LMX1A: variants seen among roughly 807,000 people sequenced by gnomAD.
LMX1A encodes LIM homeobox transcription factor 1-alpha.
In LMX1A, 15 loss-of-function variants were observed where a neutral mutation model predicts 49.1. That is an observed-to-expected ratio of 0.31 (90% CI 0.20 to 0.47). The LOEUF (loss-of-function observed/expected upper bound fraction) is 0.47. LMX1A is among the 20% of genes least tolerant of loss of function. LMX1A has a pLI of 1.00. For missense variants in LMX1A, 372 were observed against 475.8 expected (o/e 0.78, Z 2.03); for synonymous variants, 167 against 185.7 (o/e 0.90, Z 0.82).
chr1:165,292,226 G>A (rs1441064702), intron 3 of LMX1A, among the ~76,000 whole-genome samples: 1 of 152,162 alleles, frequency 6.6e-6, no homozygotes, highest in Non-Finnish European at 1.5e-5. Flanking sequence ...GTTCCAATAG[G>A]ATGCTAGATT....
At chr1:165,214,130 C>G (rs1388975952) in intron 4 of LMX1A, among the ~76,000 whole-genome samples, 1 of 152,194 alleles carries the variant, frequency 6.6e-6, no homozygotes, top group Non-Finnish European at 1.5e-5. Flanking sequence ...ATTGTAATCT[C>G]CACGTGTTGA....
chr1:165,331,799 C>T (rs1418589308), intron 3 of LMX1A, among the ~76,000 whole-genome samples: 2 of 152,168 alleles, frequency 1.3e-5, no homozygotes, highest in African/African-American at 4.8e-5. Flanking sequence ...TGCCTATAAT[C>T]CCAGATACAC....
intron 3 of LMX1A, among the ~76,000 whole-genome samples, chr1:165,282,793 C>T (rs999456253): frequency 2.0e-5 from 3 of 152,186 alleles, no homozygotes; most frequent in Admixed American, 6.5e-5. Context: ...GTACGGAGTT[C>T]CTGTACTTCT....
intron 3 of LMX1A, among the ~76,000 whole-genome samples, chr1:165,320,127 T>C (rs1343887235): frequency 6.6e-6 from 1 of 152,186 alleles, no homozygotes; most frequent in Non-Finnish European, 1.5e-5. Context: ...TTAAGAAAAC[T>C]GGAATAGAAA....
intron 3 of LMX1A, among the ~76,000 whole-genome samples, chr1:165,290,368 G>T (rs1654428175): frequency 6.6e-6 from 1 of 152,156 alleles, no homozygotes; most frequent in Non-Finnish European, 1.5e-5. Flanking sequence ...CTGGCTTCTG[G>T]TGGCTGCCAA....
chr1:165,291,484 T>C (rs1654464984), intron 3 of LMX1A, among the ~76,000 whole-genome samples: 1 of 152,184 alleles, frequency 6.6e-6, no homozygotes, highest in Non-Finnish European at 1.5e-5. Context: ...ATCCAGAAAG[T>C]GAGGCAAATA....
chr1:165,310,299 C>T (rs1324510339), intron 3 of LMX1A, among the ~76,000 whole-genome samples: 1 of 152,216 alleles, frequency 6.6e-6, no homozygotes, highest in Non-Finnish European at 1.5e-5. Context: ...TGTACCTTCC[C>T]TCCAAGCTCT....
At chr1:165,301,372 A>AAC (rs35818694) in intron 3 of LMX1A, among the ~76,000 whole-genome samples, 129,806 of 151,212 alleles carry the variant, frequency 0.86, 55,782 homozygotes, top group Non-Finnish European at 0.88. Context: ...CACTCCCGAC[A>AAC]ACACACACAC....
chr1:165,245,359 A>G (rs549397587), intron 4 of LMX1A, among the ~76,000 whole-genome samples: 21 of 152,264 alleles, frequency 1.4e-4, no homozygotes, highest in African/African-American at 4.3e-4. Context: ...TTTCCCATAA[A>G]GGCAATCCAG....
chr1:165,322,714 G>A (rs545931862), intron 3 of LMX1A, among the ~76,000 whole-genome samples: 18 of 152,186 alleles, frequency 1.2e-4, no homozygotes, highest in African/African-American at 4.3e-4. Context: ...TTTCTTTCAG[G>A]GATGATGGAA....
chr1:165,275,907 T>C (rs79075385), intron 3 of LMX1A, among the ~76,000 whole-genome samples: 6,088 of 144,194 alleles, frequency 0.042, 425 homozygotes, highest in African/African-American at 0.15. Context: ...CCCTGTGAGT[T>C]TGAACACCAG....
intron 3 of LMX1A, among the ~76,000 whole-genome samples, chr1:165,255,118 C>T (rs1033625363): frequency 6.6e-6 from 1 of 152,170 alleles, no homozygotes; most frequent in African/African-American, 2.4e-5. Flanking sequence ...AGTTCACATT[C>T]TCTGGAAGGC....
chr1:165,270,165 G>T (rs938342105), intron 3 of LMX1A, among the ~76,000 whole-genome samples: 1 of 152,260 alleles, frequency 6.6e-6, no homozygotes, highest in South Asian at 2.1e-4. Context: ...TTAAAGTAAG[G>T]CAAAAGTGGG....
At chr1:165,230,071 G>C (rs1220548122) in intron 4 of LMX1A, among the ~76,000 whole-genome samples, 1 of 152,144 alleles carries the variant, frequency 6.6e-6, no homozygotes, top group Admixed American at 6.5e-5. Context: ...TTCTCTTTTT[G>C]CCACTTGAGA....
At chr1:165,231,473 A>G (rs1652240072) in intron 4 of LMX1A, among the ~76,000 whole-genome samples, 1 of 151,970 alleles carries the variant, frequency 6.6e-6, no homozygotes, top group Non-Finnish European at 1.5e-5. Context: ...ATGCCAGGCT[A>G]ATTTTGTATT....
At chr1:165,272,228 G>C (rs995888251) in intron 3 of LMX1A, among the ~76,000 whole-genome samples, 5 of 152,126 alleles carry the variant, frequency 3.3e-5, no homozygotes, top group Non-Finnish European at 7.3e-5. Context: ...TGACAAGCTG[G>C]ATGCATTCCC....
At chr1:165,237,499 C>T (rs1652494651) in intron 4 of LMX1A, among the ~76,000 whole-genome samples, 3 of 152,218 alleles carry the variant, frequency 2.0e-5, no homozygotes, top group African/African-American at 7.2e-5. Flanking sequence ...TCTTGAACAC[C>T]ATCTGGATCC....
At chr1:165,349,786 G>T (rs567520517) in intron 3 of LMX1A, among the ~76,000 whole-genome samples, 1 of 152,272 alleles carries the variant, frequency 6.6e-6, no homozygotes, top group East Asian at 1.9e-4. Flanking sequence ...ACATTGTAAA[G>T]GTGTAATAGC....
intron 3 of LMX1A, among the ~76,000 whole-genome samples, chr1:165,259,445 C>G (rs371337370): frequency 1.1e-4 from 17 of 152,312 alleles, no homozygotes; most frequent in African/African-American, 4.1e-4. Flanking sequence ...TTAATGCTGA[C>G]ATTACCTTGC....
Sources: allele counts gnomAD v4.1 joint callset (sites outside exome capture counted in the v4.1 genomes callset), GRCh38; gene constraint gnomAD v4.1.1; transcripts MANE v1.5; gene names NCBI Gene and HGNC (gene_info 2026-07-23, HGNC 2026-07-21).